TCF20: variants seen among roughly 807,000 people sequenced by gnomAD.
TCF20 encodes transcription factor 20, also known as SPRE-binding protein.
TCF20 carries 3 observed loss-of-function variants against 148.6 expected under a neutral mutation model. The observed-to-expected ratio is 0.02, with a 90% CI of 0.01 to 0.05. TCF20 has a LOEUF of 0.05. Ranked by LOEUF, TCF20 falls within the 10% of genes least tolerant of loss-of-function variation. The probability of loss-of-function intolerance (pLI) is 1.00; values close to 1 mark genes in which losing one functional copy is unlikely to be tolerated. For synonymous variants in TCF20, 1,049 were observed against 909.5 expected (o/e 1.15, Z -2.76); for missense variants, 2,350 against 2,429.3 (o/e 0.97, Z 0.69).
In TCF20 at chr22:42,211,900, GA is replaced by G; in HGVS notation, c.3405del (p.Leu1136Ter). On this transcript the variant is annotated frameshift_variant, in exon 2 of 6. Coordinates refer to ENST00000677622, the MANE Select transcript of TCF20 (RefSeq NM_001378418.1). LOFTEE classifies it high-confidence loss of function. ...QQQFLDRVRS[P>X]LKNDKDGMMY... ...ATCATACCATCTTTGTCATTTTTCAGAGGGCTCCGTACTCTGTCAAGAAACT... is the reference window on the plus strand; with the variant it reads ...ATCATACCATCTTTGTCATTTTTCAGGGGCTCCGTACTCTGTCAAGAAACT... 2 of 1,614,150 alleles carry G rather than the reference GA, an allele frequency of 1.2e-6. No homozygotes were observed. The highest frequency in any genetic ancestry group is 1.7e-6 in the Non-Finnish European group (2 of 1,180,034).
chr22:42,295,038 C>CA (rs1357776874), intron 1 of TCF20, among the ~76,000 whole-genome samples: 1 of 152,204 alleles, frequency 6.6e-6, no homozygotes, highest in Non-Finnish European at 1.5e-5. Flanking sequence ...GGAACACCAC[C>CA]AGCCATGGGC....
chr22:42,179,757 C>T, intron 2 of TCF20, 55 bp from the exon 3 acceptor site: 2 of 1,153,354 alleles, frequency 1.7e-6, no homozygotes, highest in Non-Finnish European at 2.6e-6. Flanking sequence ...GCCCTCTCCT[C>T]CAGGCCTTCC....
intron 2 of TCF20, among the ~76,000 whole-genome samples, 195 bp downstream of exon 2, chr22:42,209,456 T>C (rs1452912810): frequency 6.6e-6 from 1 of 152,214 alleles, no homozygotes; most frequent in Non-Finnish European, 1.5e-5. Flanking sequence ...GCATTATACA[T>C]TTCAAAAAAT....
At chr22:42,217,570 C>T (rs925171965) in intron 1 of TCF20, among the ~76,000 whole-genome samples, 1 of 152,166 alleles carries the variant, frequency 6.6e-6, no homozygotes, top group African/African-American at 2.4e-5. Context: ...GTCATCACAC[C>T]GGAGTCTGTG....
At chr22:42,200,704 C>T (rs1485224163) in intron 2 of TCF20, among the ~76,000 whole-genome samples, 1 of 151,716 alleles carries the variant, frequency 6.6e-6, no homozygotes, top group Non-Finnish European at 1.5e-5. Context: ...CAGATCCATC[C>T]AATCCTTCTG....
chr22:42,179,291 A>T (rs1049378140), intron 3 of TCF20, among the ~76,000 whole-genome samples: 1 of 152,070 alleles, frequency 6.6e-6, no homozygotes, highest in African/African-American at 2.4e-5. Flanking sequence ...AGCATTATTC[A>T]TAACAGTCAA....
chr22:42,243,339 A>T (rs970447515), intron 1 of TCF20, among the ~76,000 whole-genome samples: 2 of 140,370 alleles, frequency 1.4e-5, no homozygotes, highest in Admixed American at 7.7e-5. Context: ...ATGATGGCTC[A>T]CGCCTGTAAT....
At chr22:42,191,769 C>G (rs1350678648) in intron 2 of TCF20, among the ~76,000 whole-genome samples, 2 of 152,146 alleles carry the variant, frequency 1.3e-5, no homozygotes, top group African/African-American at 4.8e-5. Context: ...AGGAAGGGCA[C>G]AGAGTGCTAG....
Position 42,213,404 on chromosome 22 carries a change from G to A in TCF20, c.1902C>T (p.Ala634=), listed in dbSNP as rs753038386. 6.2e-7 allele frequency: 1 copy of A among 1,614,132 alleles called. No homozygotes were observed. Among genetic ancestry groups the A allele is most frequent in the Admixed American group, 1.7e-5 (1 of 60,010 alleles). ...CACCATTGCTAGGTGGCCTTTGAGT[G>A]GCTGCAGGATCATCCTCTTGGGAGC... ...DKGSQEDDPA[A]TQRPPSNGGA... The change falls in exon 2 of 6, where the codon GCC becomes GCT. Residue 634 remains alanine (A), a synonymous_variant. Coordinates refer to ENST00000677622, the MANE Select transcript of TCF20 (RefSeq NM_001378418.1).
At chr22:42,341,056 G>A (rs982644594) in intron 1 of TCF20, among the ~76,000 whole-genome samples, 11 of 152,160 alleles carry the variant, frequency 7.2e-5, no homozygotes, top group African/African-American at 2.2e-4. Flanking sequence ...CCATCAAAGC[G>A]CGCGCCGGCT....
At chr22:42,175,380 T>C (rs1163021651) in intron 3 of TCF20, among the ~76,000 whole-genome samples, 1 of 152,074 alleles carries the variant, frequency 6.6e-6, no homozygotes, top group Admixed American at 6.5e-5. Context: ...CTCGCTCTGT[T>C]GCCAGGCTGG....
rs1417780946 is a variant in TCF20, at chr22:42,179,467, T to C, written c.5749+142A>G. On this transcript the variant is annotated intron_variant, in intron 3 of 5. Transcript: ENST00000677622. ...AAGGGAGATGAGTGCTGCTAATGGG[T>C]GGGAAGTTTTTTTATGAAGTGACAA... is the stretch of plus-strand genomic sequence containing the variant. 5.8e-6 allele frequency: 3 copies of C among 515,002 alleles called. No individual in the cohort carries two copies. In the East Asian group the frequency reaches 9.6e-5, roughly 16 times the overall value. 31.9% of individuals were successfully genotyped at this position (515,002 alleles called of 1,614,324 possible).
intron 1 of TCF20, among the ~76,000 whole-genome samples, chr22:42,282,902 C>CGCT (rs55797726): frequency 6.6e-6 from 1 of 151,708 alleles, no homozygotes; most frequent in East Asian, 2.0e-4. Flanking sequence ...CAAATAAAGC[C>CGCT]CCACGCCGCC....
At chr22:42,186,666 G>A (rs902192952) in intron 2 of TCF20, among the ~76,000 whole-genome samples, 5 of 152,162 alleles carry the variant, frequency 3.3e-5, no homozygotes, top group East Asian at 3.9e-4. Context: ...TTTCATCTCC[G>A]ACGGTGTGGA....
chr22:42,200,688 G>A (rs1223301568), intron 2 of TCF20, among the ~76,000 whole-genome samples: 3 of 146,884 alleles, frequency 2.0e-5, no homozygotes, highest in African/African-American at 7.5e-5. Context: ...TCCCTAAAAC[G>A]TTTCTCAGAT....
intron 1 of TCF20, among the ~76,000 whole-genome samples, chr22:42,231,788 G>T (rs1036589163): frequency 1.3e-5 from 2 of 152,014 alleles, no homozygotes; most frequent in African/African-American, 4.8e-5. Context: ...AATTAGCCAG[G>T]TGTGGTGGCG....
rs146594968 is a variant in TCF20 at position 42,330,042 on chromosome 22, G to T, written c.-37+13437C>A. Among the ~76,000 whole-genome samples, 1,191 of 152,280 alleles carry T rather than the reference G, an allele frequency of 7.8e-3. 15 individuals are homozygous for T. Among genetic ancestry groups the T allele is most frequent in the Non-Finnish European group, 0.014 (980 of 68,012 alleles). Reference sequence around the variant, plus strand: ...CCTTGGCCTCCTCCATCAGGCAAGAGCTTAAGGCCTCAACAGGGACCCAGG... The same window carrying T: ...CCTTGGCCTCCTCCATCAGGCAAGATCTTAAGGCCTCAACAGGGACCCAGG... On this transcript the variant is annotated intron_variant, in intron 1 of 1. Transcript: ENST00000515426.
intron 1 of TCF20, among the ~76,000 whole-genome samples, chr22:42,219,288 A>G (rs548512444): frequency 1.4e-5 from 2 of 141,130 alleles, no homozygotes; most frequent in African/African-American, 2.6e-5. Flanking sequence ...TGAACTCAGG[A>G]GTTCGAGGCT....
chr22:42,306,486 C>T (rs909079107), intron 1 of TCF20, among the ~76,000 whole-genome samples: 8 of 152,208 alleles, frequency 5.3e-5, no homozygotes, highest in African/African-American at 1.2e-4. Context: ...ACTTCCTTTG[C>T]CCTCCATTAC....
Sources: gnomAD v4.1 joint callset for allele counts (sites outside exome capture counted in the v4.1 genomes callset) on GRCh38, gnomAD v4.1.1 for gene constraint, MANE v1.5 for transcripts, NCBI Gene and HGNC (gene_info 2026-07-23, HGNC 2026-07-21) for gene names.